Variants in L3MBTL3 observed in about 807,000 individuals in gnomAD.
The protein encoded by L3MBTL3 is L3MBTL histone methyl-lysine binding protein 3.
In L3MBTL3, 27 loss-of-function variants were observed where a neutral mutation model predicts 102.3. The observed-to-expected ratio is 0.26, with a 90% CI of 0.19 to 0.36. The LOEUF (loss-of-function observed/expected upper bound fraction) is 0.36, where lower values mean the gene tolerates loss of function less well. Among genes scored for constraint, L3MBTL3 ranks in the 10% least tolerant of loss-of-function variants. The probability of loss-of-function intolerance (pLI) is 1.00; values close to 1 mark genes in which losing one functional copy is unlikely to be tolerated. For synonymous variants in L3MBTL3, 340 were observed against 320.9 expected, an observed-to-expected ratio of 1.06 and a Z score of -0.64; for missense variants, 798 against 955.3, an observed-to-expected ratio of 0.84 and a Z score of 2.17.
intron 11 of L3MBTL3, 23 bp from the exon 12 acceptor site, chr6:130,068,307 C>T (rs1480294471): frequency 7.9e-7 from 1 of 1,266,512 alleles, no homozygotes; most frequent in East Asian, 2.3e-5. Flanking sequence ...TTGAATCAAT[C>T]TGTTCATATG....
intron 18 of L3MBTL3, among the ~76,000 whole-genome samples, chr6:130,097,309 G>A (rs1299432568): frequency 6.6e-6 from 1 of 152,142 alleles, no homozygotes; most frequent in Non-Finnish European, 1.5e-5. Flanking sequence ...AACATAATGA[G>A]AAAATTCTCT....
Position 130,133,789 on chromosome 6 carries a change from A to G in L3MBTL3, c.2137-54A>G. On this transcript the variant is annotated intron_variant, in intron 21 of 22. Coordinates refer to ENST00000361794, the MANE Select transcript of L3MBTL3 (RefSeq NM_032438.4). This position sits in a 1 kb window ranked among gnomAD's most constrained non-coding sequence, Gnocchi z 4.9. ...GGGTTAAATGTTTTGAACCTGTAGC[A>G]TTTAGATTCTGACTGTGTTTTTTAA... 1 of 1,523,396 alleles carries G rather than the reference A, an allele frequency of 6.6e-7. No individual in the cohort carries two copies. The highest frequency in any genetic ancestry group is 9.1e-7 in the Non-Finnish European group (1 of 1,098,188). The allele number at this position is 1,523,396 out of a possible 1,614,324, so 94.4% of individuals were successfully genotyped here.
At chr6:130,123,422 ACTTT>A (rs1269752859) in intron 20 of L3MBTL3, among the ~76,000 whole-genome samples, 4 of 151,896 alleles carry the variant, frequency 2.6e-5, no homozygotes, top group African/African-American at 9.7e-5. Flanking sequence ...TTATTGTCTT[ACTTT>A]TTGTTAGTGA....
intron 14 of L3MBTL3, among the ~76,000 whole-genome samples, chr6:130,079,571 CCT>C: frequency 6.6e-6 from 1 of 152,158 alleles, no homozygotes; most frequent in East Asian, 1.9e-4. Context: ...TGAAAGCATC[CCT>C]GCGCAGTAGA....
At chr6:130,102,611 T>A (rs1784760913) in intron 18 of L3MBTL3, among the ~76,000 whole-genome samples, 1 of 152,114 alleles carries the variant, frequency 6.6e-6, no homozygotes, top group South Asian at 2.1e-4. Flanking sequence ...CTTCTCCCGG[T>A]TCATCTCATC....
At chr6:130,059,905 T>C (rs1462888107) in intron 9 of L3MBTL3, 131 bp from the exon 10 acceptor site, 1 of 573,118 alleles carries the variant, frequency 1.7e-6, no homozygotes, top group African/African-American at 1.9e-5. Flanking sequence ...ATTTATTGAT[T>C]TCTTTTTCTT....
At chr6:130,024,732 T>C (rs910134241) in intron 2 of L3MBTL3, among the ~76,000 whole-genome samples, 11 of 152,142 alleles carry the variant, frequency 7.2e-5, no homozygotes, top group African/African-American at 2.7e-4. Context: ...TTTTCTGAGC[T>C]CTTATGGTGT....
chr6:130,069,108 G>A (rs771989955), intron 12 of L3MBTL3, among the ~76,000 whole-genome samples: 15 of 152,194 alleles, frequency 9.9e-5, no homozygotes, highest in Non-Finnish European at 1.5e-4. Flanking sequence ...CCCTAGAATG[G>A]AAGAGATTTA....
Position 130,057,448 on chromosome 6 carries a change from A to G in L3MBTL3, c.710A>G (p.Tyr237Cys). 6.2e-7 allele frequency: 1 copy of G among 1,611,308 alleles called. No homozygotes were observed. The highest frequency in any genetic ancestry group is 8.5e-7 in the Non-Finnish European group (1 of 1,179,286). Residue 237 changes from tyrosine to cysteine, a missense_variant, in exon 9 of 23, where the codon TAC (tyrosine) becomes TGC (cysteine). Physicochemically the swap from Tyr to Cys is radical, Grantham distance 194. This residue lies in a region of L3MBTL3 where 434 missense variants were observed against 506.6 expected (regional missense o/e 0.86). Coordinates refer to ENST00000361794, the MANE Select transcript of L3MBTL3 (RefSeq NM_032438.4). ...AAGAAAGCGTGGTGCTGGGCATCCT[A>G]CCTGGAAGAGGAGAAAGCGGTGGCA... is the stretch of plus-strand genomic sequence containing the variant. Reference protein sequence around the residue: ...KGKKAWCWASYLEEEKAVAVP... With the variant: ...KGKKAWCWASCLEEEKAVAVP...
At chr6:130,046,301 G>C (rs569699330) in intron 3 of L3MBTL3, among the ~76,000 whole-genome samples, 1 of 152,180 alleles carries the variant, frequency 6.6e-6, no homozygotes, top group South Asian at 2.1e-4. Context: ...CTTAATACAC[G>C]GTTTTTGCCT....
intron 2 of L3MBTL3, among the ~76,000 whole-genome samples, chr6:130,035,980 TTGTG>T (rs71709041): frequency 0.12 from 18,218 of 149,090 alleles, 1,635 homozygotes; most frequent in African/African-American, 0.24. Context: ...CCTACCTGTT[TTGTG>T]TGTGTGTGTG....
At chr6:130,121,082 T>C (rs1399217142) in intron 20 of L3MBTL3, 124 bp downstream of exon 20, 1 of 667,224 alleles carries the variant, frequency 1.5e-6, no homozygotes, top group East Asian at 2.9e-5. Context: ...ATTTTTATTG[T>C]TTTATTTTAG....
chr6:130,055,310 C>G lies in L3MBTL3; in HGVS notation c.667+55C>G, dbSNP rs557650502. ...TAACTTTATGAAATTGGAAATGGTT[C>G]ACACAGGTGGAAATTTTAGTCATGC... On this transcript the variant is annotated intron_variant, in intron 8 of 22. Coordinates refer to ENST00000361794, the MANE Select transcript of L3MBTL3 (RefSeq NM_032438.4). 16 of 1,371,778 alleles carry G rather than the reference C, an allele frequency of 1.2e-5. No individual in the cohort carries two copies. In the African/African-American group the frequency reaches 1.3e-4, roughly 11 times the overall value. 85.0% of individuals were successfully genotyped at this position (1,371,778 alleles called of 1,614,324 possible).
intron 14 of L3MBTL3, among the ~76,000 whole-genome samples, chr6:130,079,394 G>A (rs1783166614): frequency 6.6e-6 from 1 of 152,150 alleles, no homozygotes. Flanking sequence ...GGGGAACAGT[G>A]TAACTGCTGA....
chr6:130,050,106 A>G (rs1025470443), intron 5 of L3MBTL3, among the ~76,000 whole-genome samples: 1 of 152,138 alleles, frequency 6.6e-6, no homozygotes, highest in Non-Finnish European at 1.5e-5. Context: ...GCTCTTCTCA[A>G]CTCTCATCTG....
chr6:130,114,424 C>G (rs1040272616), intron 19 of L3MBTL3, among the ~76,000 whole-genome samples: 5 of 152,160 alleles, frequency 3.3e-5, no homozygotes, highest in African/African-American at 9.7e-5. Context: ...TCCACAACAA[C>G]AACAACAAAG....
chr6:130,092,646 G>A (rs1784128867), intron 16 of L3MBTL3, 99 bp from the exon 17 acceptor site: 1 of 675,938 alleles, frequency 1.5e-6, no homozygotes, highest in Admixed American at 2.3e-5. Context: ...TAAATCTACT[G>A]TATGTGTTAG....
chr6:130,089,084 T>C (rs141045375), intron 16 of L3MBTL3, among the ~76,000 whole-genome samples: 174 of 152,302 alleles, frequency 1.1e-3, no homozygotes, highest in African/African-American at 3.0e-3. Flanking sequence ...ATTATTATTA[T>C]ACTTTAAGTT....
intron 19 of L3MBTL3, among the ~76,000 whole-genome samples, chr6:130,111,343 C>A (rs1170292294): frequency 6.6e-6 from 1 of 152,172 alleles, no homozygotes; most frequent in Non-Finnish European, 1.5e-5. Context: ...ACACCAATTT[C>A]CTTGAACCAG....
Sources: allele counts gnomAD v4.1 joint callset (sites outside exome capture counted in the v4.1 genomes callset), GRCh38; gene constraint gnomAD v4.1.1; regional missense constraint gnomAD v4.1.1; non-coding constraint Gnocchi (gnomAD v3.1); transcripts MANE v1.5; gene names NCBI Gene and HGNC (gene_info 2026-07-23, HGNC 2026-07-21).